Variants in SHTN1 observed in about 807,000 individuals in gnomAD.
SHTN1 encodes the protein shootin-1.
Under a neutral mutation model 83.1 loss-of-function variants are expected in SHTN1, and 42 were observed. The observed-to-expected ratio is 0.51, with a 90% CI of 0.39 to 0.65. SHTN1 has a LOEUF of 0.65. SHTN1 is among the 30% of genes least tolerant of loss of function. The probability of loss-of-function intolerance (pLI) is 0.00; values close to 1 mark genes in which losing one functional copy is unlikely to be tolerated. For synonymous variants in SHTN1, 224 were observed against 247.7 expected (o/e 0.90, Z 0.90); for missense variants, 622 against 737.8 (o/e 0.84, Z 1.82).
At chr10:116,948,874 C>A in intron 7 of SHTN1, 42 bp downstream of exon 7, 1 of 1,375,060 alleles carries the variant, frequency 7.3e-7, no homozygotes, top group Non-Finnish European at 9.8e-7. Context: ...AAACAGAACA[C>A]ACCGCATACG....
At chr10:117,079,023 A>AC (rs1554936890) in intron 1 of SHTN1, among the ~76,000 whole-genome samples, 2 of 151,528 alleles carry the variant, frequency 1.3e-5, no homozygotes, top group Non-Finnish European at 2.9e-5. Context: ...AGATTTGTGA[A>AC]TTTTTTTTAT....
At chr10:116,979,119 C>G in intron 2 of SHTN1, 137 bp downstream of exon 2, 2 of 706,264 alleles carry the variant, frequency 2.8e-6, no homozygotes, top group Middle Eastern at 2.5e-4. Flanking sequence ...ACCACACATG[C>G]AAGAGAAAAG....
chr10:117,034,549 G>A (rs1168860371), intron 2 of SHTN1, among the ~76,000 whole-genome samples: 1 of 152,080 alleles, frequency 6.6e-6, no homozygotes, highest in Non-Finnish European at 1.5e-5. Context: ...GCTGAGGCAG[G>A]AGAATCGCTT....
intron 16 of SHTN1, among the ~76,000 whole-genome samples, chr10:116,893,597 CG>C (rs1847415421): frequency 1.3e-5 from 2 of 151,338 alleles, no homozygotes; most frequent in African/African-American, 4.9e-5. Context: ...CACACACACA[CG>C]AGAAAGAAAG....
chr10:116,951,624 C>T (rs1849781387), intron 6 of SHTN1, among the ~76,000 whole-genome samples: 1 of 152,198 alleles, frequency 6.6e-6, no homozygotes, highest in Admixed American at 6.5e-5. Flanking sequence ...ATAGTAGCTA[C>T]TATTCTTACA....
intron 1 of SHTN1, among the ~76,000 whole-genome samples, chr10:117,119,642 G>C (rs1293932876): frequency 6.6e-6 from 1 of 152,146 alleles, no homozygotes; most frequent in African/African-American, 2.4e-5. Flanking sequence ...GCTACCATAT[G>C]ATACAGCAAG....
intron 1 of SHTN1, among the ~76,000 whole-genome samples, chr10:117,073,028 T>C (rs1853106562): frequency 6.6e-6 from 1 of 152,126 alleles, no homozygotes; most frequent in Admixed American, 6.5e-5. Context: ...ATATCAAAAG[T>C]TCAGGACACA....
intron 3 of SHTN1, among the ~76,000 whole-genome samples, chr10:116,965,954 C>T (rs2133452211): frequency 6.6e-6 from 1 of 152,242 alleles, no homozygotes; most frequent in Non-Finnish European, 1.5e-5. Context: ...TTATTTATCC[C>T]AGATACAGTT....
intron 2 of SHTN1, among the ~76,000 whole-genome samples, chr10:117,043,459 A>G (rs777709387): frequency 1.3e-5 from 2 of 152,222 alleles, no homozygotes; most frequent in Non-Finnish European, 2.9e-5. Flanking sequence ...ACTTAATGTC[A>G]CAAAACTGCA....
At chr10:116,915,148 T>G (rs111936373) in intron 13 of SHTN1, among the ~76,000 whole-genome samples, 2 of 152,310 alleles carry the variant, frequency 1.3e-5, no homozygotes, top group African/African-American at 2.4e-5. Flanking sequence ...TCTCTCGTAA[T>G]GAGACAACAG....
intron 1 of SHTN1, among the ~76,000 whole-genome samples, chr10:116,989,392 A>C (rs1372627652): frequency 2.0e-5 from 3 of 152,192 alleles, no homozygotes; most frequent in Non-Finnish European, 4.4e-5. Context: ...AACAAAAACA[A>C]AAAAACAAAC....
intron 1 of SHTN1, among the ~76,000 whole-genome samples, chr10:117,054,697 G>T (rs186673921): frequency 4.6e-5 from 7 of 151,934 alleles, no homozygotes; most frequent in African/African-American, 1.7e-4. Context: ...GTGAGCCACC[G>T]CACCTGGCCA....
intron 1 of SHTN1, among the ~76,000 whole-genome samples, chr10:116,980,073 A>T (rs1483130236): frequency 6.6e-6 from 1 of 152,212 alleles, no homozygotes; most frequent in East Asian, 1.9e-4. Context: ...CTGCCCAGAA[A>T]AAAAAAACGA....
At chr10:116,965,725 T>C (rs1305666261) in intron 3 of SHTN1, among the ~76,000 whole-genome samples, 1 of 152,322 alleles carries the variant, frequency 6.6e-6, no homozygotes, top group East Asian at 1.9e-4. Context: ...TAGCAACTAA[T>C]ATTTATTGAG....
rs190437378 is a variant in SHTN1, at chr10:116,905,133, C to T, written c.1480+1494G>A. On this transcript the variant is annotated intron_variant, in intron 15 of 16. Coordinates refer to ENST00000355371, the MANE Select transcript of SHTN1 (RefSeq NM_001127211.3). ...GGAGAATGGCGTTGAACCCGGGAAG[C>T]GGAGCTTGCAGTGAGCCGAGATTGC... Among the ~76,000 whole-genome samples the T allele has an allele frequency of 8.2e-3, 1,208 of 146,578 alleles. 8 individuals are homozygous for T. The highest frequency in any genetic ancestry group is 0.011 in the Non-Finnish European group (755 of 67,464).
Position 117,113,706 on chromosome 10 carries a change from C to T in SHTN1, c.-189+12601G>A, listed in dbSNP as rs1853801362. Among the ~76,000 whole-genome samples, 4 of 152,142 alleles carry T rather than the reference C, an allele frequency of 2.6e-5. No individual in the cohort carries two copies. In the South Asian group the frequency reaches 8.3e-4, roughly 31 times the overall value. On this transcript the variant is annotated intron_variant, in intron 1 of 17. Transcript: ENST00000392901. The stretch of plus-strand genomic sequence containing the variant: ...GACTGCTGAGCCCAGGCGTTCAAGA[C>T]CCGCCTAGGCAAGATAGCAAGACCC...
At position 116,884,306 on chromosome 10, in the gene SHTN1, A is replaced by G. The variant is rs1348052326; in HGVS notation, c.*2038T>C. The G allele has an allele frequency of 6.6e-6, 3 of 454,554 alleles. No individual in the cohort carries two copies. Among genetic ancestry groups the G allele is most frequent in the African/African-American group, 2.0e-5 (1 of 50,132 alleles). 28.2% of individuals were successfully genotyped at this position (454,554 alleles called of 1,614,324 possible). On this transcript the variant is annotated 3_prime_UTR_variant, in exon 17 of 17. Transcript: ENST00000355371. ...AAACCCCCTCAAAACCAAAGTGAAA[A>G]GGGAAAAACTGTAGGCAGAAAAAGG...
At chr10:117,083,902 C>A (rs1449562677) in intron 1 of SHTN1, among the ~76,000 whole-genome samples, 1 of 151,662 alleles carries the variant, frequency 6.6e-6, no homozygotes, top group Non-Finnish European at 1.5e-5. Context: ...CCATCAGCTC[C>A]TTTAAGCACT....
intron 11 of SHTN1, among the ~76,000 whole-genome samples, chr10:116,926,346 G>C (rs1848741173): frequency 6.6e-6 from 1 of 152,130 alleles, no homozygotes; most frequent in South Asian, 2.1e-4. Context: ...CCAGACCTTA[G>C]AGAAAGATCA....
Sources: allele counts gnomAD v4.1 joint callset (sites outside exome capture counted in the v4.1 genomes callset), GRCh38; gene constraint gnomAD v4.1.1; transcripts MANE v1.5; gene names NCBI Gene and HGNC (gene_info 2026-07-23, HGNC 2026-07-21).